MAN2A1: variants seen among roughly 807,000 people sequenced by gnomAD.
The protein encoded by MAN2A1 is mannosidase alpha class 2A member 1, also known as alpha-mannosidase 2.
Under a neutral mutation model 142.6 loss-of-function variants are expected in MAN2A1, and 76 were observed. That is an observed-to-expected ratio of 0.53 (90% confidence interval 0.44 to 0.65). The LOEUF is 0.65. Ranked by LOEUF, MAN2A1 falls within the 30% of genes least tolerant of loss-of-function variation. The probability of loss-of-function intolerance (pLI) is 0.00; values close to 1 mark genes in which losing one functional copy is unlikely to be tolerated. For missense variants in MAN2A1, 1,311 were observed against 1,365.1 expected (o/e 0.96, Z 0.62); for synonymous variants, 559 against 473.2 (o/e 1.18, Z -2.35).
At chr5:109,777,529 C>T (rs528591242) in intron 8 of MAN2A1, among the ~76,000 whole-genome samples, 27 of 151,946 alleles carry the variant, frequency 1.8e-4, no homozygotes, top group Non-Finnish European at 3.4e-4. Flanking sequence ...TTTTCACTTT[C>T]TCATGCTGTC....
chr5:109,817,172 ATATATG>A lies in MAN2A1; in HGVS notation c.1944-77_1944-72del, dbSNP rs10524185. On this transcript the variant is annotated intron_variant, in intron 12 of 21. Coordinates refer to ENST00000261483, the MANE Select transcript of MAN2A1 (RefSeq NM_002372.4). ...CAGAGTGAGACGCTATCTCAAAAAT[ATATATG>A]TATATGTATATGTATATGTATATCT... is the stretch of plus-strand genomic sequence containing the variant. 3,072 of 1,029,030 alleles carry A rather than the reference ATATATG, an allele frequency of 3.0e-3. 63 individuals are homozygous for A. The African/African-American group carries it at 0.042, about 14-fold the overall frequency. The allele number at this position is 1,029,030 out of a possible 1,614,324, so 63.7% of individuals were successfully genotyped here. A position where few individuals can be genotyped will look rare whatever the true frequency, so the allele number is the denominator to read the frequency against.
intron 13 of MAN2A1, among the ~76,000 whole-genome samples, chr5:109,819,037 A>C (rs761103387): frequency 6.6e-6 from 1 of 152,210 alleles, no homozygotes; most frequent in South Asian, 2.1e-4. Flanking sequence ...TTTCAATTTT[A>C]TAATAGCGTG....
intron 9 of MAN2A1, 82 bp from the exon 10 acceptor site, chr5:109,784,662 T>G (rs1561510542): frequency 1.8e-6 from 2 of 1,094,472 alleles, no homozygotes; most frequent in Non-Finnish European, 2.6e-6. Flanking sequence ...TTAAAAAATT[T>G]GTAAAGTATC....
At chr5:109,825,891 C>G (rs1468377443) in intron 16 of MAN2A1, among the ~76,000 whole-genome samples, 1 of 130,456 alleles carries the variant, frequency 7.7e-6, no homozygotes. Context: ...TTCTTTCTTT[C>G]TTTCCTTCCT....
chr5:109,713,261 A>G (rs1302117191), intron 1 of MAN2A1, among the ~76,000 whole-genome samples: 1 of 152,158 alleles, frequency 6.6e-6, no homozygotes, highest in Non-Finnish European at 1.5e-5. Flanking sequence ...ATTTCCCAAA[A>G]TATTTTTGGT....
chr5:109,829,599 C>T (rs1200271078), intron 16 of MAN2A1, among the ~76,000 whole-genome samples: 2 of 152,178 alleles, frequency 1.3e-5, no homozygotes, highest in Non-Finnish European at 2.9e-5. Flanking sequence ...TGTACTTTGT[C>T]TTCAGAATCA....
rs374586894 is a variant in MAN2A1 at position 109,865,152 on chromosome 5, T to C, written c.3282+6T>C. 624 of 1,600,102 alleles carry C rather than the reference T, an allele frequency of 3.9e-4. 1 individual carries two copies. Among genetic ancestry groups the C allele is most frequent in the Non-Finnish European group, 5.1e-4 (599 of 1,167,434 alleles). ...GTTCTACTACTCAGGGAAAGGTAAG[T>C]TGAAAAGGTTATTTTTGCTTACTGT... On this transcript the variant is annotated splice_donor_region_variant and intron_variant, in intron 21 of 21. Coordinates refer to ENST00000261483, the MANE Select transcript of MAN2A1 (RefSeq NM_002372.4).
intron 17 of MAN2A1, among the ~76,000 whole-genome samples, chr5:109,844,762 G>A (rs4957579): frequency 0.65 from 99,568 of 152,040 alleles, 33,236 homozygotes; most frequent in East Asian, 0.91. Context: ...GTCATACAGC[G>A]TTCTCCCTAT....
Position 109,849,339 on chromosome 5 carries a change from C to T in MAN2A1, c.2976+1549C>T, listed in dbSNP as rs78320612. On this transcript the variant is annotated intron_variant, in intron 19 of 21. Transcript: ENST00000261483. ...TCCTGATTTATCTATCTAATTGCTT[C>T]CTGATATTCTCTGTTTAGAAGGACA... Among the ~76,000 whole-genome samples, 930 of 152,234 alleles carry T rather than the reference C, an allele frequency of 6.1e-3. 6 individuals carry two copies. The highest frequency in any genetic ancestry group is 0.021 in the African/African-American group (880 of 41,538).
intron 12 of MAN2A1, among the ~76,000 whole-genome samples, chr5:109,802,851 A>G (rs1194902678): frequency 6.6e-6 from 1 of 152,078 alleles, no homozygotes; most frequent in African/African-American, 2.4e-5. Context: ...TTTTTTCAAA[A>G]GATTTATCGT....
chr5:109,797,171 C>T (rs1582906497), intron 12 of MAN2A1, among the ~76,000 whole-genome samples: 1 of 152,096 alleles, frequency 6.6e-6, no homozygotes, highest in East Asian at 1.9e-4. Flanking sequence ...GCTCTACAGA[C>T]TGATTAAAAA....
At chr5:109,852,671 C>G (rs1755514206) in intron 19 of MAN2A1, among the ~76,000 whole-genome samples, 1 of 152,120 alleles carries the variant, frequency 6.6e-6, no homozygotes, top group African/African-American at 2.4e-5. Context: ...CTGAAACCTT[C>G]CAACCAACAA....
At chr5:109,753,265 T>G (rs1279694098) in intron 4 of MAN2A1, among the ~76,000 whole-genome samples, 1 of 152,244 alleles carries the variant, frequency 6.6e-6, no homozygotes, top group Non-Finnish European at 1.5e-5. Context: ...GCCTCTAGAC[T>G]GTGGCTAAAT....
At chr5:109,795,466 A>T (rs1387487564) in intron 12 of MAN2A1, among the ~76,000 whole-genome samples, 2 of 152,160 alleles carry the variant, frequency 1.3e-5, no homozygotes. Context: ...TTAGTTTCCC[A>T]TTAAAGCTCA....
intron 16 of MAN2A1, among the ~76,000 whole-genome samples, chr5:109,841,151 A>T (rs1445780731): frequency 2.0e-5 from 3 of 152,198 alleles, no homozygotes; most frequent in Non-Finnish European, 4.4e-5. Context: ...CCGTTTTTAA[A>T]AAAAATTTCC....
chr5:109,749,087 C>T (rs915388542), intron 4 of MAN2A1, among the ~76,000 whole-genome samples: 10 of 151,968 alleles, frequency 6.6e-5, no homozygotes, highest in Non-Finnish European at 1.2e-4. Context: ...TCCTGTTTCT[C>T]CAGATGTGTC....
chr5:109,811,648 A>G (rs1205658313), intron 12 of MAN2A1, among the ~76,000 whole-genome samples: 2 of 151,566 alleles, frequency 1.3e-5, no homozygotes, highest in Admixed American at 6.6e-5. Context: ...GCATCCCATG[A>G]CATGCTATTA....
intron 3 of MAN2A1, among the ~76,000 whole-genome samples, chr5:109,718,543 G>A (rs1022141653): frequency 5.3e-5 from 8 of 152,108 alleles, no homozygotes; most frequent in African/African-American, 1.7e-4. Flanking sequence ...AAATTCTAGC[G>A]GCAAAGAACA....
At chr5:109,848,614 A>G (rs190659402) in intron 19 of MAN2A1, among the ~76,000 whole-genome samples, 5 of 152,052 alleles carry the variant, frequency 3.3e-5, no homozygotes, top group Admixed American at 3.3e-4. Context: ...ACAGTCCATC[A>G]TCCTAGGCAG....
Sources: allele counts gnomAD v4.1 joint callset (sites outside exome capture counted in the v4.1 genomes callset), GRCh38; gene constraint gnomAD v4.1.1; transcripts MANE v1.5; gene names NCBI Gene and HGNC (gene_info 2026-07-23, HGNC 2026-07-21).